Variants in PTPRJ observed in about 807,000 individuals in gnomAD.
PTPRJ encodes the protein receptor-type tyrosine-protein phosphatase eta.
PTPRJ carries 129 observed loss-of-function variants against 141.3 expected under a neutral mutation model. The ratio of observed to expected loss-of-function variants is 0.91; its 90% CI spans 0.79 to 1.06. PTPRJ has a LOEUF of 1.06. Ranked by LOEUF, PTPRJ falls within the 50% of genes least tolerant of loss-of-function variation. PTPRJ has a pLI of 0.00. For synonymous variants in PTPRJ, 610 were observed against 640.5 expected, an observed-to-expected ratio of 0.95 and a Z score of 0.72; for missense variants, 1,601 against 1,679.7, an observed-to-expected ratio of 0.95 and a Z score of 0.82.
At chr11:48,002,136 ATTT>A (rs36029619) in intron 1 of PTPRJ, among the ~76,000 whole-genome samples, 1,446 of 130,424 alleles carry the variant, frequency 0.011, 32 homozygotes, top group African/African-American at 0.043. Context: ...TCCTATTTAA[ATTT>A]TTTTTTTTTT....
chr11:48,130,315 T>G, intron 7 of PTPRJ, 144 bp from the exon 8 acceptor site: 1 of 800,200 alleles, frequency 1.2e-6, no homozygotes, highest in Non-Finnish European at 1.9e-6. Context: ...GAGGGGCTCA[T>G]GTTGTAGGTG....
chr11:48,137,870 C>T (rs987691325), intron 10 of PTPRJ, among the ~76,000 whole-genome samples: 1 of 152,176 alleles, frequency 6.6e-6, no homozygotes, highest in Admixed American at 6.5e-5. Context: ...AAATGATGCC[C>T]AGCCTTTGCA....
At chr11:48,059,215 C>T (rs571565173) in intron 1 of PTPRJ, among the ~76,000 whole-genome samples, 46 of 151,056 alleles carry the variant, frequency 3.0e-4, no homozygotes, top group Non-Finnish European at 5.2e-4. Context: ...CTCTGCCTCC[C>T]GGGTTCAAGC....
Position 48,096,508 on chromosome 11 carries a change from TTAGCCCAACAG to T in PTPRJ, c.97-13548_97-13538del, listed in dbSNP as rs1856008134. 2.0e-5 allele frequency among the ~76,000 whole-genome samples: 3 copies of T among 152,280 alleles called. No homozygotes were observed. In the South Asian group the frequency reaches 6.2e-4, roughly 32 times the overall value. ...TTTCTCCGCCAAAACTATCCTGGTT[TTAGCCCAACAG>T]TTTCCCACGCCCGCCCCCACCCCCA... On this transcript the variant is annotated intron_variant, in intron 1 of 24. Coordinates refer to ENST00000418331, the MANE Select transcript of PTPRJ (RefSeq NM_002843.4).
chr11:48,058,246 G>T (rs537215016), intron 1 of PTPRJ, among the ~76,000 whole-genome samples: 32 of 152,104 alleles, frequency 2.1e-4, no homozygotes, highest in African/African-American at 7.7e-4. Flanking sequence ...AAAAGAGACA[G>T]GGTCTCTGGT....
At chr11:48,002,097 A>T (rs1479542130) in intron 1 of PTPRJ, among the ~76,000 whole-genome samples, 2 of 149,796 alleles carry the variant, frequency 1.3e-5, no homozygotes, top group African/African-American at 4.9e-5. Flanking sequence ...ACTCCCTTAA[A>T]TTTTTTAAAT....
In PTPRJ at chr11:48,136,361, G is replaced by C. The variant is rs531864792; in HGVS notation, c.1873+65G>C. 7 of 1,551,976 alleles carry C rather than the reference G, an allele frequency of 4.5e-6. No homozygotes were observed. In the African/African-American group the frequency reaches 5.4e-5, roughly 12 times the overall value. ...TAACTGTCTCTTGGAGGAGGCACTG[G>C]TTAAATGATGGCCAGTGTGCTTCTG... is the stretch of plus-strand genomic sequence containing the variant. On this transcript the variant is annotated intron_variant, in intron 9 of 24. Transcript: ENST00000418331.
intron 1 of PTPRJ, among the ~76,000 whole-genome samples, chr11:48,038,678 G>T (rs1854191263): frequency 1.3e-5 from 2 of 151,546 alleles, no homozygotes; most frequent in South Asian, 4.2e-4. Flanking sequence ...TTTTAGTAGA[G>T]ACGGGGTTTC....
At chr11:48,046,912 ATTTT>A (rs1217187387) in intron 1 of PTPRJ, among the ~76,000 whole-genome samples, 96 of 74,158 alleles carry the variant, frequency 1.3e-3, no homozygotes, top group African/African-American at 6.8e-3. Context: ...ATATATATAT[ATTTT>A]TTTTTTTTTT....
intron 3 of PTPRJ, among the ~76,000 whole-genome samples, chr11:48,115,700 T>C (rs1346051119): frequency 2.6e-5 from 4 of 152,186 alleles, no homozygotes; most frequent in African/African-American, 4.8e-5. Context: ...AGTTAAAAGA[T>C]AATACTTAAA....
intron 23 of PTPRJ, 70 bp downstream of exon 23, chr11:48,163,688 G>C: frequency 1.3e-6 from 2 of 1,491,346 alleles, no homozygotes; most frequent in Non-Finnish European, 1.8e-6. Context: ...CTTTACAAAA[G>C]CAAAGCCTAA....
chr11:48,150,877 G>A (rs1011386937), intron 18 of PTPRJ, among the ~76,000 whole-genome samples: 1 of 152,220 alleles, frequency 6.6e-6, no homozygotes, highest in Non-Finnish European at 1.5e-5. Flanking sequence ...ACTCAGCACA[G>A]TGCACATGCT....
At chr11:47,981,089 C>G (rs1481114018) in intron 1 of PTPRJ, 81 bp downstream of exon 1, 2 of 1,179,316 alleles carry the variant, frequency 1.7e-6, no homozygotes, top group Non-Finnish European at 2.1e-6. Context: ...AGCGTACCCC[C>G]CCGGGGGGTT....
intron 1 of PTPRJ, among the ~76,000 whole-genome samples, chr11:48,002,047 T>A (rs992167195): frequency 1.3e-5 from 2 of 152,126 alleles, no homozygotes; most frequent in Non-Finnish European, 1.5e-5. Flanking sequence ...GCCGGGGGTG[T>A]GCATGGTGTT....
chr11:48,160,910 G>A (rs970521140), intron 22 of PTPRJ, among the ~76,000 whole-genome samples: 1 of 151,956 alleles, frequency 6.6e-6, no homozygotes, highest in Non-Finnish European at 1.5e-5. Context: ...GCCCAGGTGC[G>A]GTGATTCTAA....
intron 1 of PTPRJ, among the ~76,000 whole-genome samples, chr11:48,025,340 C>G (rs558093286): frequency 6.6e-6 from 1 of 152,260 alleles, no homozygotes; most frequent in African/African-American, 2.4e-5. Context: ...GAAAGTACAG[C>G]CCCAGAAAAC....
intron 1 of PTPRJ, among the ~76,000 whole-genome samples, chr11:48,012,055 T>C (rs1309894524): frequency 6.6e-6 from 1 of 152,166 alleles, no homozygotes; most frequent in Non-Finnish European, 1.5e-5. Flanking sequence ...GGTTTCCATT[T>C]ATGCGTATTT....
intron 1 of PTPRJ, among the ~76,000 whole-genome samples, chr11:48,047,404 C>G (rs576799000): frequency 6.6e-6 from 1 of 152,122 alleles, no homozygotes; most frequent in Non-Finnish European, 1.5e-5. Flanking sequence ...GAGTGAGGGT[C>G]TCTGCCTGCT....
chr11:48,102,425 T>G (rs1221777424), intron 1 of PTPRJ, among the ~76,000 whole-genome samples: 1 of 152,152 alleles, frequency 6.6e-6, no homozygotes, highest in Non-Finnish European at 1.5e-5. Context: ...TTTTTTTTTT[T>G]GAGACAGAGT....
Sources: gnomAD v4.1 joint callset for allele counts (sites outside exome capture counted in the v4.1 genomes callset) on GRCh38, gnomAD v4.1.1 for gene constraint, MANE v1.5 for transcripts, NCBI Gene and HGNC (gene_info 2026-07-23, HGNC 2026-07-21) for gene names.